SLC36A4: variants seen among roughly 807,000 people sequenced by gnomAD.
The protein encoded by SLC36A4 is neutral amino acid uniporter 4.
In SLC36A4, 49 loss-of-function variants were observed where a neutral mutation model predicts 50.5. The observed-to-expected ratio is 0.97, with a 90% confidence interval of 0.77 to 1.23. The LOEUF (loss-of-function observed/expected upper bound fraction) is 1.23, where lower values mean the gene tolerates loss of function less well. Ranked by LOEUF, SLC36A4 falls within the 50% of genes most tolerant of loss-of-function variation. The pLI, the probability that SLC36A4 is intolerant of heterozygous loss-of-function variation, is 0.00. For synonymous variants in SLC36A4, 207 were observed against 206.5 expected (o/e 1.00, Z -0.02); for missense variants, 611 against 608.4 (o/e 1.00, Z -0.05).
intron 9 of SLC36A4, chr11:93,155,281 G>A (rs895481798): frequency 2.6e-5 from 4 of 151,998 alleles, no homozygotes; most frequent in African/African-American, 9.7e-5. Flanking sequence ...TGCAACTTCG[G>A]GGCAGTGATT....
chr11:93,174,762 A>G (rs372270302), intron 6 of SLC36A4, among the ~76,000 whole-genome samples: 7 of 146,240 alleles, frequency 4.8e-5, no homozygotes, highest in Non-Finnish European at 1.0e-4. Flanking sequence ...ATTGATTTGC[A>G]TATATTGAAC....
At position 93,162,494 on chromosome 11, in the gene SLC36A4, A is replaced by G. The variant is rs571879272; in HGVS notation, c.1037+212T>C. 4.0e-4 allele frequency among the ~76,000 whole-genome samples: 61 copies of G among 152,218 alleles called. No homozygotes were observed. The South Asian group carries it at 0.012, about 30-fold the overall frequency. On this transcript the variant is annotated intron_variant, in intron 9 of 10. Coordinates refer to ENST00000326402, the MANE Select transcript of SLC36A4 (RefSeq NM_152313.4). ...TGGCTAATTTTTGTATTTTTAGTAC[A>G]GATGGGGTTTCATTATGTTGGCCAG...
At chr11:93,194,518 C>T (rs1156810106) in intron 1 of SLC36A4, among the ~76,000 whole-genome samples, 1 of 152,146 alleles carries the variant, frequency 6.6e-6, no homozygotes, top group Non-Finnish European at 1.5e-5. Context: ...ACATACCTTA[C>T]GAGAACCTGT....
At chr11:93,195,363 C>T (rs145705721) in intron 1 of SLC36A4, among the ~76,000 whole-genome samples, 2 of 152,024 alleles carry the variant, frequency 1.3e-5, no homozygotes, top group Non-Finnish European at 1.5e-5. Context: ...ATGTCTCCTC[C>T]GTTTTACTCT....
chr11:93,175,646 T>G (rs1490877681), intron 6 of SLC36A4, among the ~76,000 whole-genome samples: 1 of 83,484 alleles, frequency 1.2e-5, no homozygotes, highest in East Asian at 3.5e-4. Flanking sequence ...TGGTATGTTG[T>G]GTCTTTGTTC....
In SLC36A4 at chr11:93,182,405, G is replaced by A. The variant is rs150736710; in HGVS notation, c.359+401C>T. 295 of 191,126 alleles carry A rather than the reference G, an allele frequency of 1.5e-3. 2 individuals are homozygous for A. The highest frequency in any genetic ancestry group is 6.7e-3 in the African/African-American group (283 of 42,272). The allele number at this position is 191,126 out of a possible 1,614,324, so 11.8% of individuals were successfully genotyped here. ...AAGTATTTCATGATACAAAAATAAA[G>A]ACAAATAATATTGTGTTGTTGACTA... On this transcript the variant is annotated intron_variant, in intron 4 of 10. Coordinates refer to ENST00000326402, the MANE Select transcript of SLC36A4 (RefSeq NM_152313.4).
chr11:93,153,602 T>C (rs1434415830), intron 10 of SLC36A4, among the ~76,000 whole-genome samples: 1 of 152,056 alleles, frequency 6.6e-6, no homozygotes, highest in African/African-American at 2.4e-5. Flanking sequence ...AATGCTACCT[T>C]GAGAAGGCAT....
In SLC36A4 at chr11:93,162,737, T is replaced by C; in HGVS notation, c.1006A>G (p.Ser336Gly). 1 of 1,611,956 alleles carries C rather than the reference T, an allele frequency of 6.2e-7. No homozygotes were observed. The highest frequency in any genetic ancestry group is 8.5e-7 in the Non-Finnish European group (1 of 1,179,388). The change falls in exon 9 of 11, where the codon AGC (serine) becomes GGC (glycine). Residue 336 changes from serine (S) to glycine (G), a missense_variant. By Grantham distance (56) the Ser-to-Gly change is moderately conservative. Transcript: ENST00000326402. ...TCTTGGGGAAGATTTAAAGTTATGCTGCCTTTGATTTCATCATGGAAACAC... is the reference window on the plus strand; with the variant it reads ...TCTTGGGGAAGATTTAAAGTTATGCCGCCTTTGATTTCATCATGGAAACAC... ...YMCFHDEIKG[S>G]ITLNLPQDVW...
chr11:93,192,489 A>C, intron 1 of SLC36A4, among the ~76,000 whole-genome samples: 1 of 152,244 alleles, frequency 6.6e-6, no homozygotes, highest in East Asian at 1.9e-4. Context: ...AGTGCCTTCC[A>C]GTAGGAATGC....
At chr11:93,180,362 CA>C (rs1861682534) in intron 6 of SLC36A4, 1 of 979,960 alleles carries the variant, frequency 1.0e-6, no homozygotes, top group Admixed American at 6.2e-5. Flanking sequence ...TTTTTGGACA[CA>C]GTGTCTTTTT....
chr11:93,169,257 A>G (rs537452572), intron 6 of SLC36A4, among the ~76,000 whole-genome samples: 1 of 152,192 alleles, frequency 6.6e-6, no homozygotes, highest in East Asian at 1.9e-4. Context: ...ATTAATCCCA[A>G]TTTATAGTTG....
At chr11:93,177,534 C>T (rs1032594794) in intron 6 of SLC36A4, among the ~76,000 whole-genome samples, 8 of 151,902 alleles carry the variant, frequency 5.3e-5, no homozygotes, top group Admixed American at 3.3e-4. Context: ...AGGATGGTAA[C>T]GTACAGATGG....
At chr11:93,187,654 G>C (rs1238577745) in intron 1 of SLC36A4, among the ~76,000 whole-genome samples, 1 of 152,234 alleles carries the variant, frequency 6.6e-6, no homozygotes, top group East Asian at 1.9e-4. Context: ...TTCATACACA[G>C]GAATCCTAGT....
chr11:93,155,570 T>C (rs1860319896), intron 9 of SLC36A4: 1 of 152,052 alleles, frequency 6.6e-6, no homozygotes, highest in Admixed American at 6.6e-5. Flanking sequence ...AGACTTAAAG[T>C]AGTAAGGATT....
In SLC36A4 at chr11:93,162,888, T is replaced by C. The variant is rs1462922956; in HGVS notation, c.868-13A>G. On this transcript the variant is annotated splice_polypyrimidine_tract_variant and intron_variant, in intron 8 of 10. Coordinates refer to ENST00000326402, the MANE Select transcript of SLC36A4 (RefSeq NM_152313.4). ...CCAGTGGAAGGACCTAAGAAAAGAA[T>C]ACAATACTTTTTTTTAAGGGAATAC... is the stretch of plus-strand genomic sequence containing the variant. 3 of 1,606,062 alleles carry C rather than the reference T, an allele frequency of 1.9e-6. No individual in the cohort carries two copies. Among genetic ancestry groups the C allele is most frequent in the Non-Finnish European group, 2.5e-6 (3 of 1,176,978 alleles).
rs189644360 is a variant in SLC36A4, at chr11:93,147,786, G to C, written c.*751C>G. On this transcript the variant is annotated 3_prime_UTR_variant, in exon 11 of 11. Coordinates refer to ENST00000326402, the MANE Select transcript of SLC36A4 (RefSeq NM_152313.4). ...TAGGTTTTCTTGATCTCAAGGCTGA[G>C]TGGTCTCGACCAAGTTACTTAACCT... is the stretch of plus-strand genomic sequence containing the variant. The C allele has an allele frequency of 6.6e-6, 1 of 152,208 alleles. No homozygotes were observed. The highest frequency in any genetic ancestry group is 2.4e-5 in the African/African-American group (1 of 41,568). The allele number at this position is 152,208 out of a possible 1,614,324, so 9.4% of individuals were successfully genotyped here.
chr11:93,168,529 A>C (rs1860988312), intron 6 of SLC36A4, among the ~76,000 whole-genome samples: 1 of 152,016 alleles, frequency 6.6e-6, no homozygotes, highest in Non-Finnish European at 1.5e-5. Flanking sequence ...TGAGATCATC[A>C]AATTTGGAAC....
At chr11:93,163,783 T>C (rs1006938480) in intron 8 of SLC36A4, among the ~76,000 whole-genome samples, 4 of 151,850 alleles carry the variant, frequency 2.6e-5, no homozygotes, top group African/African-American at 7.3e-5. Flanking sequence ...CTCATGTATG[T>C]ATGTATGTAT....
intron 6 of SLC36A4, among the ~76,000 whole-genome samples, chr11:93,169,813 T>C (rs1005991779): frequency 6.6e-6 from 1 of 152,250 alleles, no homozygotes; most frequent in East Asian, 1.9e-4. Context: ...ACATATTTGA[T>C]TGTTGATTTA....
Sources: gnomAD v4.1 joint callset for allele counts (sites outside exome capture counted in the v4.1 genomes callset) on GRCh38, gnomAD v4.1.1 for gene constraint, MANE v1.5 for transcripts, NCBI Gene and HGNC (gene_info 2026-07-23, HGNC 2026-07-21) for gene names.